The following SCAF11 variants were observed in gnomAD, a reference collection of about 807,000 sequenced individuals.
SCAF11 encodes the protein protein SCAF11.
SCAF11 carries 47 observed loss-of-function variants against 140.5 expected under a neutral mutation model. The observed-to-expected ratio is 0.33, with a 90% CI of 0.26 to 0.43. The LOEUF (loss-of-function observed/expected upper bound fraction) is 0.43, where lower values mean the gene tolerates loss of function less well. Ranked by LOEUF, SCAF11 falls within the 20% of genes least tolerant of loss-of-function variation. SCAF11 has a pLI of 1.00. For missense variants in SCAF11, 1,645 were observed against 1,705.1 expected (o/e 0.96, Z 0.62); for synonymous variants, 557 against 579.4 (o/e 0.96, Z 0.55).
chr12:45,986,709 G>A (rs1049795451), intron 1 of SCAF11, among the ~76,000 whole-genome samples: 2 of 152,174 alleles, frequency 1.3e-5, no homozygotes, highest in East Asian at 3.8e-4. Context: ...AACCTGTTGG[G>A]AGATAATTTG....
At chr12:45,950,505 T>C (rs768788599) in intron 4 of SCAF11, among the ~76,000 whole-genome samples, 2 of 152,174 alleles carry the variant, frequency 1.3e-5, no homozygotes, top group African/African-American at 2.4e-5. Flanking sequence ...TGGAATCTAC[T>C]TTACACTAAT....
chr12:45,990,524 A>G lies in SCAF11; in HGVS notation c.-193T>C. On this transcript the variant is annotated 5_prime_UTR_variant, in exon 1 of 15. Transcript: ENST00000369367. ...CTCGGTCCGGAGGCGGCGGCGAAGCAGGGAGCGACCCAGGTTGCGCTGCTC... is the reference window on the plus strand; with the variant it reads ...CTCGGTCCGGAGGCGGCGGCGAAGCGGGGAGCGACCCAGGTTGCGCTGCTC... The G allele has an allele frequency of 1.6e-6, 2 of 1,231,978 alleles. No individual in the cohort carries two copies. The highest frequency in any genetic ancestry group is 2.0e-6 in the Non-Finnish European group (2 of 988,222). 76.3% of individuals were successfully genotyped at this position (1,231,978 alleles called of 1,614,324 possible).
At chr12:45,940,066 T>TA (rs1229082833) in intron 6 of SCAF11, among the ~76,000 whole-genome samples, 1 of 152,248 alleles carries the variant, frequency 6.6e-6, no homozygotes, top group Admixed American at 6.5e-5. Flanking sequence ...AAGTTACACT[T>TA]ACAGGTTCTC....
chr12:45,936,123 A>T (rs1014279796), intron 6 of SCAF11, among the ~76,000 whole-genome samples: 1 of 151,460 alleles, frequency 6.6e-6, no homozygotes, highest in African/African-American at 2.4e-5. Flanking sequence ...ACACCCTTAT[A>T]CTACTCTATG....
intron 3 of SCAF11, chr12:45,954,796 G>A (rs1278130296): frequency 1.4e-5 from 2 of 144,412 alleles, no homozygotes; most frequent in African/African-American, 5.2e-5. Context: ...TGTTGCTCAG[G>A]CTTCATCTTG....
intron 3 of SCAF11, among the ~76,000 whole-genome samples, chr12:45,954,257 G>C (rs1455196787): frequency 6.6e-6 from 1 of 151,604 alleles, no homozygotes; most frequent in African/African-American, 2.4e-5. Context: ...TTTGAGACAG[G>C]GTCTTGCTCT....
At chr12:45,935,517 C>T (rs1254902279) in intron 6 of SCAF11, among the ~76,000 whole-genome samples, 1 of 152,172 alleles carries the variant, frequency 6.6e-6, no homozygotes, top group Admixed American at 6.6e-5. Context: ...ACACAGATAA[C>T]ACTCTTAGAA....
intron 12 of SCAF11, 130 bp from the exon 13 acceptor site, chr12:45,923,284 C>T: frequency 1.4e-6 from 1 of 700,208 alleles, no homozygotes; most frequent in South Asian, 1.9e-5. Flanking sequence ...ATGCATATTT[C>T]AGGTAATTAT....
chr12:45,940,753 A>G (rs1945277072), intron 6 of SCAF11, among the ~76,000 whole-genome samples: 1 of 152,194 alleles, frequency 6.6e-6, no homozygotes, highest in Non-Finnish European at 1.5e-5. Context: ...AATGAAAAAA[A>G]CTTTTAATTG....
rs775998979 is a variant in SCAF11 at position 45,951,649 on chromosome 12, C to T, written c.297+1G>A. 5.1e-6 allele frequency: 8 copies of T among 1,563,828 alleles called. No individual in the cohort carries two copies. The highest frequency in any genetic ancestry group is 5.2e-6 in the Non-Finnish European group (6 of 1,149,290). On this transcript the variant is annotated splice_donor_variant, in intron 4 of 14. Transcript: ENST00000369367. LOFTEE classifies it high-confidence loss of function. ...TCATGTTGCAGAATAAAAAGACTTA[C>T]CTTAACATAACCTTCCAATGCACTG...
Position 45,964,085 on chromosome 12 carries a change from C to T in SCAF11, c.61+22G>A, listed in dbSNP as rs746238498. ...AACTGTTTTGCTTTCAACAAACAAA[C>T]TTTATAAAAATGAAAAGTTACCTTC... On this transcript the variant is annotated intron_variant, in intron 2 of 14. Transcript: ENST00000369367. 19 of 1,303,978 alleles carry T rather than the reference C, an allele frequency of 1.5e-5. No homozygotes were observed. In the South Asian group the frequency reaches 2.1e-4, roughly 15 times the overall value. 80.8% of individuals were successfully genotyped at this position (1,303,978 alleles called of 1,614,324 possible). A position where few individuals can be genotyped will look rare whatever the true frequency, so the allele number is the denominator to read the frequency against.
intron 10 of SCAF11, 35 bp from the exon 11 acceptor site, chr12:45,928,894 A>T: frequency 7.9e-7 from 1 of 1,258,754 alleles, no homozygotes; most frequent in Non-Finnish European, 1.0e-6. Context: ...AAAGTAAAAA[A>T]TATGTTTTAA....
intron 1 of SCAF11, among the ~76,000 whole-genome samples, chr12:45,971,579 T>C (rs1231430982): frequency 6.6e-6 from 1 of 152,082 alleles, no homozygotes; most frequent in East Asian, 1.9e-4. Flanking sequence ...AAGTAGGCAC[T>C]GGTAACAACA....
Position 45,945,080 on chromosome 12 carries a change from A to G in SCAF11, c.463+169T>C. 7 of 580,936 alleles carry G rather than the reference A, an allele frequency of 1.2e-5. 1 individual carries two copies. Among genetic ancestry groups the G allele is most frequent in the Non-Finnish European group, 2.1e-5 (7 of 334,410 alleles). The allele number at this position is 580,936 out of a possible 1,614,324, so 36.0% of individuals were successfully genotyped here. A position where few individuals can be genotyped will look rare whatever the true frequency, so the allele number is the denominator to read the frequency against. On this transcript the variant is annotated intron_variant, in intron 6 of 14. Transcript: ENST00000369367. ...AAGAAGGAAAAAAGGGGCAGAAAAC[A>G]GTATAAATTGCTCCATGAAAACAAA...
chr12:45,954,569 C>G (rs1057297432), intron 3 of SCAF11, among the ~76,000 whole-genome samples: 1 of 129,152 alleles, frequency 7.7e-6, no homozygotes, highest in African/African-American at 2.9e-5. Context: ...TAAGCTGTTA[C>G]TTTTTTTTTT....
intron 3 of SCAF11, among the ~76,000 whole-genome samples, chr12:45,958,805 A>G (rs1417173402): frequency 6.6e-6 from 1 of 152,208 alleles, no homozygotes; most frequent in African/African-American, 2.4e-5. Context: ...TAATCACTTT[A>G]AAGTCCTTAC....
intron 1 of SCAF11, among the ~76,000 whole-genome samples, chr12:45,972,913 T>TAGATATCG (rs879325950): frequency 0.4 from 35,824 of 90,062 alleles, 8,932 homozygotes; most frequent in Non-Finnish European, 0.47. Flanking sequence ...TATATAGATA[T>TAGATATCG]ATATATAGAT....
At chr12:45,990,703 T>G, upstream of SCAF11, 1 of 730,162 alleles carries the variant, frequency 1.4e-6, no homozygotes, top group Non-Finnish European at 1.9e-6. Context: ...ACATTCTGCT[T>G]ACTCGCTCGC....
In SCAF11 at chr12:45,926,386, C is replaced by T. The variant is rs1194492194; in HGVS notation, c.3315G>A (p.Gly1105=). 1 of 1,614,184 alleles carries T rather than the reference C, an allele frequency of 6.2e-7. No homozygotes were observed. The highest frequency in any genetic ancestry group is 1.7e-5 in the Admixed American group (1 of 60,024). The change falls in exon 11 of 15, where the codon GGG becomes GGA. Residue 1105 remains glycine (G), a synonymous_variant. Transcript: ENST00000369367. The part of the protein sequence containing the change: ...NRWQNRKPLS[G]NSNSSGSESF... ...ATTCACTCCCTGAACTGTTTGAATT[C>T]CCTGAGAGGGGTTTTCGATTTTGCC...
Sources: allele counts gnomAD v4.1 joint callset (sites outside exome capture counted in the v4.1 genomes callset), GRCh38; gene constraint gnomAD v4.1.1; transcripts MANE v1.5; gene names NCBI Gene and HGNC (gene_info 2026-07-23, HGNC 2026-07-21).